ZFAND3: variants seen among roughly 807,000 people sequenced by gnomAD.
The protein encoded by ZFAND3 is zinc finger AN1-type containing 3, also known as AN1-type zinc finger protein 3.
ZFAND3 carries 10 observed loss-of-function variants against 29.6 expected under a neutral mutation model. That is an observed-to-expected ratio of 0.34 (90% CI 0.21 to 0.57). ZFAND3 has a LOEUF of 0.57. Ranked by LOEUF, ZFAND3 falls within the 20% of genes least tolerant of loss-of-function variation. The pLI is 0.86. For missense variants in ZFAND3, 230 were observed against 304.5 expected, an observed-to-expected ratio of 0.76 and a Z score of 1.82; for synonymous variants, 128 against 112.6, an observed-to-expected ratio of 1.14 and a Z score of -0.87.
At chr6:37,932,530 A>G (rs557293606) in intron 2 of ZFAND3, among the ~76,000 whole-genome samples, 1 of 152,312 alleles carries the variant, frequency 6.6e-6, no homozygotes, top group Non-Finnish European at 1.5e-5. Context: ...CTCAACCTGT[A>G]TTAGATTATA....
intron 2 of ZFAND3, among the ~76,000 whole-genome samples, chr6:37,932,428 C>G (rs2127413633): frequency 6.6e-6 from 1 of 152,194 alleles, no homozygotes; most frequent in Non-Finnish European, 1.5e-5. Flanking sequence ...CCCCAAATCC[C>G]AAATCTGAAA....
intron 1 of ZFAND3, among the ~76,000 whole-genome samples, chr6:37,890,054 A>G (rs1765064694): frequency 6.6e-6 from 1 of 152,170 alleles, no homozygotes; most frequent in South Asian, 2.1e-4. Flanking sequence ...ACTTTTAGAT[A>G]ATAAGAAAAA....
At chr6:38,037,416 A>G (rs1339956365) in intron 2 of ZFAND3, among the ~76,000 whole-genome samples, 1 of 152,210 alleles carries the variant, frequency 6.6e-6, no homozygotes, top group South Asian at 2.1e-4. Context: ...TAAGAGAAGT[A>G]TGACTGCTAA....
intron 4 of ZFAND3, among the ~76,000 whole-genome samples, chr6:38,100,602 C>G (rs911863493): frequency 6.6e-6 from 1 of 152,162 alleles, no homozygotes; most frequent in African/African-American, 2.4e-5. Flanking sequence ...TGTTGATTAC[C>G]AGCTACAAAC....
chr6:37,950,092 T>G (rs998924436), intron 2 of ZFAND3, among the ~76,000 whole-genome samples: 1 of 152,234 alleles, frequency 6.6e-6, no homozygotes, highest in Non-Finnish European at 1.5e-5. Context: ...CTGTTGATAA[T>G]TTCTTTTGAT....
chr6:38,114,513 G>T (rs948931737), intron 4 of ZFAND3, among the ~76,000 whole-genome samples: 1 of 152,212 alleles, frequency 6.6e-6, no homozygotes, highest in African/African-American at 2.4e-5. Context: ...TAGTTGGTTT[G>T]TATTGGGGCA....
rs201113788 is a variant in ZFAND3 at position 38,054,398 on chromosome 6, TAA to T, written c.113-7180_113-7179del. Among the ~76,000 whole-genome samples the T allele has an allele frequency of 6.1e-3, 752 of 124,082 alleles. 10 individuals carry two copies. The highest frequency in any genetic ancestry group is 0.02 in the African/African-American group (610 of 30,568). The allele number at this position is 124,082 out of a possible 152,430, so 81.4% of individuals were successfully genotyped here. A position where few individuals can be genotyped will look rare whatever the true frequency, so the allele number is the denominator to read the frequency against. ...GACAGAGCGAGACCCTGTCTCAAAT[TAA>T]AAAAAAAAAAAAAACAAGGAAGCAC... On this transcript the variant is annotated intron_variant, in intron 2 of 5. Coordinates refer to ENST00000287218, the MANE Select transcript of ZFAND3 (RefSeq NM_021943.3).
At chr6:37,842,348 G>A (rs921489510) in intron 1 of ZFAND3, among the ~76,000 whole-genome samples, 2 of 152,114 alleles carry the variant, frequency 1.3e-5, no homozygotes, top group Admixed American at 6.5e-5. Flanking sequence ...AGGCAGCCAT[G>A]GTCCTGATTT....
chr6:37,962,681 C>T (rs568600968), intron 2 of ZFAND3, among the ~76,000 whole-genome samples: 1 of 152,136 alleles, frequency 6.6e-6, no homozygotes, highest in Admixed American at 6.5e-5. Context: ...CCAATCAGAA[C>T]TCTGTAAAAT....
intron 2 of ZFAND3, among the ~76,000 whole-genome samples, chr6:38,038,837 A>G (rs879721722): frequency 6.6e-6 from 1 of 152,190 alleles, no homozygotes; most frequent in Admixed American, 6.5e-5. Context: ...AGCTGAATCT[A>G]TATCATATAA....
intron 2 of ZFAND3, among the ~76,000 whole-genome samples, chr6:38,034,691 A>G (rs1258810510): frequency 6.6e-6 from 1 of 152,188 alleles, no homozygotes; most frequent in African/African-American, 2.4e-5. Context: ...CTTCTCCCCA[A>G]ATAGGGACTT....
At chr6:38,110,138 C>T (rs1320588960) in intron 4 of ZFAND3, among the ~76,000 whole-genome samples, 1 of 152,130 alleles carries the variant, frequency 6.6e-6, no homozygotes, top group Non-Finnish European at 1.5e-5. Flanking sequence ...GTCTCCATAT[C>T]AAATGAAGAT....
rs562407346 is a variant in ZFAND3 at position 38,078,985 on chromosome 6, T to C, written c.296-3407T>C. On this transcript the variant is annotated intron_variant, in intron 3 of 5. Coordinates refer to ENST00000287218, the MANE Select transcript of ZFAND3 (RefSeq NM_021943.3). ...TTGCTGCAACCAAATGTTACCCATG[T>C]TATATATTTTGTTGTTGTTGTGGAC... Among the ~76,000 whole-genome samples the C allele has an allele frequency of 5.9e-5, 9 of 152,336 alleles. 2 individuals carry two copies. The South Asian group carries it at 1.9e-3, about 32-fold the overall frequency.
intron 4 of ZFAND3, among the ~76,000 whole-genome samples, chr6:38,084,425 T>C (rs1360092668): frequency 6.6e-6 from 1 of 152,204 alleles, no homozygotes; most frequent in African/African-American, 2.4e-5. Context: ...AAAAATAATA[T>C]GCTCACCTAA....
intron 2 of ZFAND3, among the ~76,000 whole-genome samples, chr6:38,018,232 T>C (rs1763285039): frequency 6.6e-6 from 1 of 152,198 alleles, no homozygotes; most frequent in Non-Finnish European, 1.5e-5. Context: ...TACACATTCC[T>C]TTAGTATCTT....
Position 38,048,448 on chromosome 6 carries a change from C to T in ZFAND3, c.113-13145C>T, listed in dbSNP as rs554707551. 3.0e-3 allele frequency among the ~76,000 whole-genome samples: 460 copies of T among 151,454 alleles called. 2 individuals are homozygous for T. Among genetic ancestry groups the T allele is most frequent in the African/African-American group, 0.011 (437 of 41,288 alleles). On this transcript the variant is annotated intron_variant, in intron 2 of 5. Coordinates refer to ENST00000287218, the MANE Select transcript of ZFAND3 (RefSeq NM_021943.3). Reference sequence around the variant, plus strand: ...CATCCTGGCTAACATGGTGAAACCCCGTCTCTACTAAAAATACAAAAAAAT... The same window carrying T: ...CATCCTGGCTAACATGGTGAAACCCTGTCTCTACTAAAAATACAAAAAAAT...
At chr6:37,826,629 T>C (rs1199338224) in intron 1 of ZFAND3, among the ~76,000 whole-genome samples, 1 of 152,036 alleles carries the variant, frequency 6.6e-6, no homozygotes, top group Non-Finnish European at 1.5e-5. Context: ...GGCATGCTCC[T>C]GTAGTCTCAG....
At chr6:37,859,118 G>T (rs1764434787) in intron 1 of ZFAND3, among the ~76,000 whole-genome samples, 3 of 152,198 alleles carry the variant, frequency 2.0e-5, no homozygotes. Flanking sequence ...GCCCAAGTTA[G>T]CATTTTGGCT....
At chr6:38,030,847 G>A (rs147050222) in intron 2 of ZFAND3, among the ~76,000 whole-genome samples, 1 of 152,236 alleles carries the variant, frequency 6.6e-6, no homozygotes, top group Non-Finnish European at 1.5e-5. Flanking sequence ...GAGAACAGAG[G>A]ATGAAGTAAA....
Sources: allele counts gnomAD v4.1 joint callset (sites outside exome capture counted in the v4.1 genomes callset), GRCh38; gene constraint gnomAD v4.1.1; transcripts MANE v1.5; gene names NCBI Gene and HGNC (gene_info 2026-07-23, HGNC 2026-07-21).